CDH13: variants seen among roughly 807,000 people sequenced by gnomAD.
The protein encoded by CDH13 is cadherin 13, also known as cadherin-13.
In CDH13, 24 loss-of-function variants were observed where a neutral mutation model predicts 63.8. The observed-to-expected ratio is 0.38, with a 90% CI of 0.27 to 0.53. The LOEUF is 0.53. CDH13 is among the 20% of genes least tolerant of loss of function. The pLI is 0.85. For synonymous variants in CDH13, 503 were observed against 355.3 expected, an observed-to-expected ratio of 1.42 and a Z score of -4.67; for missense variants, 1,049 against 903.1, an observed-to-expected ratio of 1.16 and a Z score of -2.07.
At chr16:83,789,537 C>T (rs191487684) in intron 13 of CDH13, among the ~76,000 whole-genome samples, 86 of 152,048 alleles carry the variant, frequency 5.7e-4, no homozygotes, top group African/African-American at 1.9e-3. Flanking sequence ...TTAGTAGAGA[C>T]AGGGTTTCGC....
chr16:82,900,241 T>G (rs969066256), intron 2 of CDH13, among the ~76,000 whole-genome samples: 1 of 152,206 alleles, frequency 6.6e-6, no homozygotes, highest in Non-Finnish European at 1.5e-5. Context: ...GTCCCAAGTA[T>G]AGCTGAGTGC....
chr16:82,970,774 C>G (rs1324519606), intron 2 of CDH13, among the ~76,000 whole-genome samples: 2 of 152,066 alleles, frequency 1.3e-5, no homozygotes, highest in African/African-American at 2.4e-5. Flanking sequence ...TACCAAAGTC[C>G]CCTCTATTAT....
chr16:83,744,413 G>A (rs1012371953), intron 10 of CDH13, among the ~76,000 whole-genome samples: 2 of 152,236 alleles, frequency 1.3e-5, no homozygotes, highest in African/African-American at 4.8e-5. Context: ...TGTTTTTAAA[G>A]CAGTTCATTC....
intron 5 of CDH13, among the ~76,000 whole-genome samples, chr16:83,344,216 A>G (rs1238465376): frequency 6.6e-6 from 1 of 152,244 alleles, no homozygotes; most frequent in Non-Finnish European, 1.5e-5. Context: ...CTTCGTTTCC[A>G]AGACAAACAA....
intron 5 of CDH13, among the ~76,000 whole-genome samples, chr16:83,235,338 G>A (rs373560851): frequency 3.9e-5 from 6 of 152,078 alleles, no homozygotes; most frequent in East Asian, 3.9e-4. Flanking sequence ...GAGAAGCCCC[G>A]GTGTAAAATG....
intron 1 of CDH13, chr16:82,639,375 C>T (rs950705310): frequency 6.5e-7 from 1 of 1,535,494 alleles, no homozygotes; most frequent in Non-Finnish European, 8.7e-7. Context: ...AACAACCCAC[C>T]TGCACTGCAT....
chr16:83,022,528 G>T (rs975035594), intron 2 of CDH13, among the ~76,000 whole-genome samples: 3 of 152,044 alleles, frequency 2.0e-5, no homozygotes, highest in African/African-American at 4.8e-5. Context: ...CACAGAAATC[G>T]GCAGATGCTA....
chr16:83,008,733 G>A (rs1036911899), intron 2 of CDH13, among the ~76,000 whole-genome samples: 1 of 152,160 alleles, frequency 6.6e-6, no homozygotes, highest in Non-Finnish European at 1.5e-5. Context: ...GTGCCAGAAC[G>A]AGGCCTTCCT....
intron 10 of CDH13, among the ~76,000 whole-genome samples, chr16:83,685,739 G>C (rs1191614244): frequency 6.6e-6 from 1 of 152,196 alleles, no homozygotes; most frequent in East Asian, 1.9e-4. Flanking sequence ...AGAAGGAGCA[G>C]AGTGGCACAA....
intron 11 of CDH13, among the ~76,000 whole-genome samples, chr16:83,772,279 G>A (rs1914809591): frequency 6.6e-6 from 1 of 152,164 alleles, no homozygotes; most frequent in African/African-American, 2.4e-5. Context: ...GGGAACATAT[G>A]AGGAAGGCCC....
At chr16:83,158,331 T>G (rs535810713) in intron 4 of CDH13, among the ~76,000 whole-genome samples, 30 of 152,326 alleles carry the variant, frequency 2.0e-4, no homozygotes, top group African/African-American at 7.0e-4. Context: ...TTCTCCTCAC[T>G]GCACTGTGCT....
At chr16:82,745,473 G>A (rs765746815) in intron 1 of CDH13, among the ~76,000 whole-genome samples, 24 of 152,176 alleles carry the variant, frequency 1.6e-4, no homozygotes, top group Non-Finnish European at 2.9e-5. Flanking sequence ...GCATGGTGGC[G>A]GGCGCCTGTA....
intron 2 of CDH13, among the ~76,000 whole-genome samples, chr16:82,877,532 T>C (rs936030819): frequency 6.6e-6 from 1 of 152,204 alleles, no homozygotes; most frequent in African/African-American, 2.4e-5. Flanking sequence ...TTTCCCAAAC[T>C]TCTGTCTGTG....
At chr16:83,014,129 A>G (rs575691902) in intron 2 of CDH13, among the ~76,000 whole-genome samples, 2 of 152,238 alleles carry the variant, frequency 1.3e-5, no homozygotes, top group East Asian at 3.9e-4. Flanking sequence ...CTGACAGATC[A>G]GGCAATTCAC....
chr16:82,952,697 T>C (rs1428543787), intron 2 of CDH13, among the ~76,000 whole-genome samples: 1 of 152,226 alleles, frequency 6.6e-6, no homozygotes, highest in Non-Finnish European at 1.5e-5. Flanking sequence ...ATTTTACATA[T>C]TAGGAATCCT....
chr16:83,166,434 C>T (rs922226437), intron 4 of CDH13, among the ~76,000 whole-genome samples: 4 of 152,076 alleles, frequency 2.6e-5, no homozygotes, highest in Non-Finnish European at 5.9e-5. Context: ...CCAAAGCCAT[C>T]CAAGGTTGCG....
chr16:83,246,357 C>T (rs4563034), intron 5 of CDH13, among the ~76,000 whole-genome samples: 150,777 of 152,254 alleles, frequency 0.99, 74,680 homozygotes, highest in Middle Eastern at 1. Flanking sequence ...GTTTTCTTCC[C>T]TGGCTGCTCC....
At chr16:83,039,861 C>T (rs1007415438) in intron 3 of CDH13, among the ~76,000 whole-genome samples, 1 of 152,140 alleles carries the variant, frequency 6.6e-6, no homozygotes, top group Non-Finnish European at 1.5e-5. Flanking sequence ...TGAGGTTCCA[C>T]CTACCCTATG....
At chr16:83,629,063 C>A (rs537725360) in intron 8 of CDH13, among the ~76,000 whole-genome samples, 1 of 152,146 alleles carries the variant, frequency 6.6e-6, no homozygotes, top group Non-Finnish European at 1.5e-5. Context: ...TCCTTATGTT[C>A]CTGCTACTGA....
Sources: gnomAD v4.1 joint callset for allele counts (sites outside exome capture counted in the v4.1 genomes callset) on GRCh38, gnomAD v4.1.1 for gene constraint, MANE v1.5 for transcripts, NCBI Gene and HGNC (gene_info 2026-07-23, HGNC 2026-07-21) for gene names.